The following AGBL1 variants were observed in gnomAD, a reference collection of about 807,000 sequenced individuals.
AGBL1 encodes the protein cytosolic carboxypeptidase 4.
In AGBL1, 130 loss-of-function variants were observed where a neutral mutation model predicts 118.9. That is an observed-to-expected ratio of 1.09 (90% CI 0.95 to 1.26). The LOEUF (loss-of-function observed/expected upper bound fraction) is 1.26, where lower values mean the gene tolerates loss of function less well. Among genes scored for constraint, AGBL1 ranks in the 50% most tolerant of loss-of-function variants. The pLI is 0.00. For synonymous variants in AGBL1, 555 were observed against 478.9 expected, an observed-to-expected ratio of 1.16 and a Z score of -2.08; for missense variants, 1,584 against 1,298.1, an observed-to-expected ratio of 1.22 and a Z score of -3.38.
At chr15:86,987,674 T>C (rs944056148) in intron 23 of AGBL1, among the ~76,000 whole-genome samples, 2 of 152,182 alleles carry the variant, frequency 1.3e-5, no homozygotes, top group African/African-American at 4.8e-5. Flanking sequence ...CATCTAATGA[T>C]ATAATCGTGT....
intron 22 of AGBL1, among the ~76,000 whole-genome samples, chr15:86,826,040 A>AC (rs2079009572): frequency 6.6e-6 from 1 of 151,718 alleles, no homozygotes; most frequent in South Asian, 2.1e-4. Flanking sequence ...TTCTTGCAAA[A>AC]AAAAAATATT....
At chr15:86,647,945 G>A (rs1372988336) in intron 21 of AGBL1, among the ~76,000 whole-genome samples, 9 of 152,154 alleles carry the variant, frequency 5.9e-5, no homozygotes, top group Admixed American at 3.9e-4. Context: ...AAGAGTCAGA[G>A]CCAGGGTAGA....
chr15:86,986,605 G>C (rs1048343394), intron 23 of AGBL1, among the ~76,000 whole-genome samples: 2 of 152,120 alleles, frequency 1.3e-5, no homozygotes, highest in Admixed American at 6.5e-5. Context: ...CATATATCTG[G>C]TGTGCTTTAG....
chr15:86,231,466 C>T (rs1047333009), intron 6 of AGBL1, among the ~76,000 whole-genome samples: 1 of 152,194 alleles, frequency 6.6e-6, no homozygotes, highest in Non-Finnish European at 1.5e-5. Context: ...CAAAAATTTG[C>T]TTCAAATAAT....
intron 5 of AGBL1, among the ~76,000 whole-genome samples, chr15:86,215,857 T>C (rs976698560): frequency 1.1e-4 from 16 of 152,194 alleles, no homozygotes; most frequent in African/African-American, 3.6e-4. Flanking sequence ...ATGTGTCATT[T>C]TGGGGACTAC....
chr15:86,143,490 C>T (rs908514342), intron 2 of AGBL1, among the ~76,000 whole-genome samples: 5 of 152,190 alleles, frequency 3.3e-5, no homozygotes, highest in African/African-American at 1.2e-4. Flanking sequence ...CAACTAGGTT[C>T]TTAAATATTC....
intron 23 of AGBL1, among the ~76,000 whole-genome samples, chr15:86,964,769 C>T (rs970354354): frequency 2.0e-5 from 3 of 151,816 alleles, no homozygotes; most frequent in Non-Finnish European, 2.9e-5. Context: ...TCTCCTAATG[C>T]TATCCCTCCC....
chr15:86,580,655 G>C (rs905404000), intron 21 of AGBL1, among the ~76,000 whole-genome samples: 4 of 152,012 alleles, frequency 2.6e-5, no homozygotes, highest in East Asian at 3.9e-4. Context: ...TAATGATCAA[G>C]TTAGGGTAAT....
At chr15:86,262,611 A>G in intron 9 of AGBL1, 167 bp from the exon 10 acceptor site, 1 of 682,990 alleles carries the variant, frequency 1.5e-6, no homozygotes. Flanking sequence ...TTTATTTTAA[A>G]AATACAATCC....
intron 22 of AGBL1, among the ~76,000 whole-genome samples, chr15:86,787,345 C>T (rs1287800057): frequency 6.6e-6 from 1 of 152,056 alleles, no homozygotes; most frequent in Non-Finnish European, 1.5e-5. Flanking sequence ...GATCTCTAGA[C>T]TTATTCATCC....
At chr15:86,736,808 C>A (rs868070495) in intron 22 of AGBL1, among the ~76,000 whole-genome samples, 1 of 152,062 alleles carries the variant, frequency 6.6e-6, no homozygotes, top group Non-Finnish European at 1.5e-5. Flanking sequence ...ATGAGGGTAC[C>A]CTTTGAACAT....
intron 4 of AGBL1, among the ~76,000 whole-genome samples, chr15:86,157,001 G>A (rs2077201707): frequency 1.3e-5 from 2 of 151,908 alleles, no homozygotes; most frequent in African/African-American, 2.4e-5. Context: ...TGTTGGCCAG[G>A]CTGGTCTTGA....
At position 86,629,563 on chromosome 15, in the gene AGBL1, G is replaced by A. The variant is rs114809472; in HGVS notation, c.2995-44710G>A. On this transcript the variant is annotated intron_variant, in intron 21 of 22. Coordinates refer to ENST00000614907, the MANE Select transcript of AGBL1 (RefSeq NM_001386094.1). ...AACGCACCCTTTGAATCATACATAG[G>A]TATGTAATTTGCTTCCAATAAAAAT... 5.2e-3 allele frequency among the ~76,000 whole-genome samples: 788 copies of A among 152,200 alleles called. 4 individuals are homozygous for A. The highest frequency in any genetic ancestry group is 0.018 in the African/African-American group (756 of 41,536).
At chr15:86,114,173 T>TCTTTATATATAAC (rs1314297282) in intron 1 of AGBL1, among the ~76,000 whole-genome samples, 1 of 152,230 alleles carries the variant, frequency 6.6e-6, no homozygotes, top group Non-Finnish European at 1.5e-5. Context: ...ATTAAGGGAC[T>TCTTTATATATAAC]CTTTATATAT....
rs547874541 is a variant in AGBL1 at position 86,735,855 on chromosome 15, C to G, written c.3158+61419C>G. 8.5e-5 allele frequency among the ~76,000 whole-genome samples: 13 copies of G among 152,150 alleles called. No individual in the cohort carries two copies. In the South Asian group the frequency reaches 1.5e-3, roughly 17 times the overall value. ...TGTAAACAGTAGCAGGGGTGCCGTA[C>G]CTCACAGGTGTGGCTGCTAGAATTT... On this transcript the variant is annotated intron_variant, in intron 22 of 22. Transcript: ENST00000614907.
intron 22 of AGBL1, among the ~76,000 whole-genome samples, chr15:86,688,885 C>A (rs956105570): frequency 6.6e-6 from 1 of 151,930 alleles, no homozygotes; most frequent in African/African-American, 2.4e-5. Context: ...TCCAGTATCC[C>A]CAGACAACAA....
intron 23 of AGBL1, among the ~76,000 whole-genome samples, chr15:86,934,231 G>A (rs2080639130): frequency 6.6e-6 from 1 of 152,176 alleles, no homozygotes; most frequent in Non-Finnish European, 1.5e-5. Flanking sequence ...TGCAGCTTGT[G>A]AGTGCTGTTA....
At chr15:86,723,855 G>T (rs2086775319) in intron 22 of AGBL1, among the ~76,000 whole-genome samples, 1 of 152,084 alleles carries the variant, frequency 6.6e-6, no homozygotes, top group Non-Finnish European at 1.5e-5. Context: ...TGGGCGTGCT[G>T]GCAGAGTGGG....
At chr15:86,718,539 GA>G (rs964139210) in intron 22 of AGBL1, among the ~76,000 whole-genome samples, 3 of 151,896 alleles carry the variant, frequency 2.0e-5, no homozygotes, top group South Asian at 4.2e-4. Flanking sequence ...GTAATAATAA[GA>G]AAAAAACCAT....
Sources: allele counts gnomAD v4.1 joint callset (sites outside exome capture counted in the v4.1 genomes callset), GRCh38; gene constraint gnomAD v4.1.1; transcripts MANE v1.5; gene names NCBI Gene and HGNC (gene_info 2026-07-23, HGNC 2026-07-21).